The following MAPKAPK3 variants were observed in gnomAD, a reference collection of about 807,000 sequenced individuals.
MAPKAPK3 encodes the protein MAPK activated protein kinase 3, also known as MAP kinase-activated protein kinase 3.
MAPKAPK3 carries 35 observed loss-of-function variants against 49.2 expected under a neutral mutation model. The ratio of observed to expected loss-of-function variants is 0.71; its 90% confidence interval spans 0.54 to 0.94. The LOEUF is 0.94. Among genes scored for constraint, MAPKAPK3 ranks in the 40% least tolerant of loss-of-function variants. The pLI, the probability that MAPKAPK3 is intolerant of heterozygous loss-of-function variation, is 0.00. For synonymous variants in MAPKAPK3, 178 were observed against 188.7 expected, an observed-to-expected ratio of 0.94 and a Z score of 0.46; for missense variants, 398 against 493.1, an observed-to-expected ratio of 0.81 and a Z score of 1.83.
At chr3:50,642,700 A>AT (rs1221669588) in intron 5 of MAPKAPK3, among the ~76,000 whole-genome samples, 1 of 152,214 alleles carries the variant, frequency 6.6e-6, no homozygotes, top group East Asian at 1.9e-4. Flanking sequence ...TCAGAAAAAC[A>AT]TTAAGTGACT....
At chr3:50,637,971 T>C (rs1419887945) in intron 2 of MAPKAPK3, among the ~76,000 whole-genome samples, 1 of 152,106 alleles carries the variant, frequency 6.6e-6, no homozygotes, top group Non-Finnish European at 1.5e-5. Flanking sequence ...AGGCAAGCCC[T>C]GCGTGCTGGG....
At chr3:50,629,072 A>T (rs1389788651) in intron 2 of MAPKAPK3, among the ~76,000 whole-genome samples, 2 of 152,026 alleles carry the variant, frequency 1.3e-5, no homozygotes, top group South Asian at 2.1e-4. Context: ...CTTGGTTCCC[A>T]TTCCCCAGGG....
At chr3:50,612,701 TTGGTACCA>T (rs1167784476), upstream of MAPKAPK3, 1 of 151,174 alleles carries the variant, frequency 6.6e-6, no homozygotes, top group African/African-American at 2.4e-5. Flanking sequence ...GGACTCTGGG[TTGGTACCA>T]CCCCCACCCC....
chr3:50,640,599 G>A (rs1256569831), intron 3 of MAPKAPK3, 94 bp downstream of exon 3: 5 of 1,455,918 alleles, frequency 3.4e-6, no homozygotes, highest in African/African-American at 1.4e-5. Context: ...TGTTTTTCAG[G>A]TAGCAGATCT....
In MAPKAPK3 at chr3:50,642,602, C is replaced by T. The variant is rs114266487; in HGVS notation, c.504+270C>T. ...TAACTGACTGCCTGCCTAAAGCCAG[C>T]GGGCCCTGACAAGCAATCTCATTTC... On this transcript the variant is annotated intron_variant, in intron 5 of 10. Coordinates refer to ENST00000621469, the MANE Select transcript of MAPKAPK3 (RefSeq NM_001243925.2). Among the ~76,000 whole-genome samples, 741 of 152,328 alleles carry T rather than the reference C, an allele frequency of 4.9e-3. 2 individuals carry two copies. Among genetic ancestry groups the T allele is most frequent in the African/African-American group, 0.017 (688 of 41,576 alleles).
chr3:50,621,746 C>T (rs1417414437), intron 2 of MAPKAPK3, among the ~76,000 whole-genome samples: 1 of 152,134 alleles, frequency 6.6e-6, no homozygotes, highest in Non-Finnish European at 1.5e-5. Flanking sequence ...GTACTCCAGC[C>T]TGGGTGACAG....
chr3:50,647,632 T>C (rs550662002), intron 10 of MAPKAPK3, among the ~76,000 whole-genome samples: 27 of 152,270 alleles, frequency 1.8e-4, no homozygotes, highest in Non-Finnish European at 3.1e-4. Context: ...ACTGGTTTAG[T>C]TCACTATCCC....
At chr3:50,636,045 A>G (rs2033033402) in intron 2 of MAPKAPK3, among the ~76,000 whole-genome samples, 1 of 151,486 alleles carries the variant, frequency 6.6e-6, no homozygotes, top group Non-Finnish European at 1.5e-5. Flanking sequence ...CAGGAGATCA[A>G]GGCTGCAGTG....
chr3:50,646,067 G>A, intron 7 of MAPKAPK3, 73 bp from the exon 8 acceptor site: 1 of 1,555,604 alleles, frequency 6.4e-7, no homozygotes, highest in East Asian at 2.3e-5. Context: ...CCCAGTCAGG[G>A]GCTTTTGAGG....
intron 10 of MAPKAPK3, 66 bp downstream of exon 10, chr3:50,647,269 G>T (rs1468343129): frequency 3.6e-6 from 5 of 1,382,514 alleles, no homozygotes; most frequent in African/African-American, 2.9e-5. Context: ...CTTCAGGGGG[G>T]TGGCTACCCA....
At chr3:50,634,179 A>T (rs1211625596) in intron 2 of MAPKAPK3, among the ~76,000 whole-genome samples, 2 of 152,242 alleles carry the variant, frequency 1.3e-5, no homozygotes, top group Non-Finnish European at 2.9e-5. Context: ...AGGAAACATC[A>T]TCTCAAATTC....
intron 2 of MAPKAPK3, among the ~76,000 whole-genome samples, chr3:50,622,463 T>G (rs1436952754): frequency 6.6e-6 from 1 of 152,238 alleles, no homozygotes; most frequent in East Asian, 1.9e-4. Flanking sequence ...CAATGGAACC[T>G]TCTTTGACCC....
In MAPKAPK3 at chr3:50,647,942, G is replaced by A. The variant is rs762542270; in HGVS notation, c.1045G>A (p.Val349Met). The A allele has an allele frequency of 6.2e-7, 1 of 1,614,062 alleles. No individual in the cohort carries two copies. Among genetic ancestry groups the A allele is most frequent in the South Asian group, 1.1e-5 (1 of 91,086 alleles). Residue 349 changes from valine to methionine, a missense_variant, in exon 11 of 11, where the codon GTG (valine) becomes ATG (methionine). Transcript: ENST00000621469. ...LATMRVDYDQ[V>M]KIKDLKTSNN... The stretch of plus-strand genomic sequence containing the variant: ...CACTATGCGGGTAGACTACGACCAG[G>A]TGAAGATCAAGGACCTGAAGACCTC...
At chr3:50,644,870 C>T (rs1308517809) in intron 6 of MAPKAPK3, among the ~76,000 whole-genome samples, 1 of 152,152 alleles carries the variant, frequency 6.6e-6, no homozygotes, top group East Asian at 1.9e-4. Flanking sequence ...TTTTTGTCTT[C>T]CTGGGATTCA....
At chr3:50,612,131 T>A (rs1253468568), upstream of MAPKAPK3, 1 of 159,810 alleles carries the variant, frequency 6.3e-6, no homozygotes, top group African/African-American at 2.4e-5. Context: ...GAGGGGCAGG[T>A]CGGAGAGATC....
At position 50,617,554 on chromosome 3, in the gene MAPKAPK3, C is replaced by T. The variant is rs980812822; in HGVS notation, c.-12C>T. 4 of 1,419,964 alleles carry T rather than the reference C, an allele frequency of 2.8e-6. No homozygotes were observed. Among genetic ancestry groups the T allele is most frequent in the Non-Finnish European group, 3.0e-6 (3 of 1,016,782 alleles). The allele number at this position is 1,419,964 out of a possible 1,614,324, so 88.0% of individuals were successfully genotyped here. A position where few individuals can be genotyped will look rare whatever the true frequency, so the allele number is the denominator to read the frequency against. On this transcript the variant is annotated 5_prime_UTR_variant, in exon 2 of 11. Transcript: ENST00000621469. ...CCAGGCTGGGGCCGCCTCTGAGCGC[C>T]CCGCGGGGGCCATGGATGGTGAAAC...
At chr3:50,636,772 A>G (rs2107591946) in intron 2 of MAPKAPK3, among the ~76,000 whole-genome samples, 1 of 152,208 alleles carries the variant, frequency 6.6e-6, no homozygotes, top group South Asian at 2.1e-4. Context: ...GGAAGATGAG[A>G]AAACTGAGGC....
intron 2 of MAPKAPK3, among the ~76,000 whole-genome samples, chr3:50,628,075 TCTCCCCACGCCCA>T: frequency 1.3e-5 from 2 of 152,234 alleles, no homozygotes; most frequent in South Asian, 4.1e-4. Flanking sequence ...AGCCAGTGTA[TCTCCCCACGCCCA>T]CTTCTGATTC....
chr3:50,634,491 C>T (rs1484176304), intron 2 of MAPKAPK3, among the ~76,000 whole-genome samples: 1 of 142,686 alleles, frequency 7.0e-6, no homozygotes. Flanking sequence ...TCTTCTTCTT[C>T]TTTTTTTTTT....
Sources: allele counts gnomAD v4.1 joint callset (sites outside exome capture counted in the v4.1 genomes callset), GRCh38; gene constraint gnomAD v4.1.1; transcripts MANE v1.5; gene names NCBI Gene and HGNC (gene_info 2026-07-23, HGNC 2026-07-21).